Variants in BANK1 observed in about 807,000 individuals in gnomAD.
BANK1 encodes B-cell scaffold protein with ankyrin repeats.
BANK1 carries 95 observed loss-of-function variants against 94.5 expected under a neutral mutation model. The ratio of observed to expected loss-of-function variants is 1.00; its 90% CI spans 0.85 to 1.19. BANK1 has a LOEUF of 1.19. BANK1 is among the 50% of genes most tolerant of loss of function. The pLI is 0.00. For missense variants in BANK1, 987 were observed against 932.2 expected (o/e 1.06, Z -0.77); for synonymous variants, 334 against 308.4 (o/e 1.08, Z -0.87).
At chr4:101,956,646 C>T (rs1192159174) in intron 7 of BANK1, among the ~76,000 whole-genome samples, 2 of 152,128 alleles carry the variant, frequency 1.3e-5, no homozygotes, top group Non-Finnish European at 2.9e-5. Context: ...CTCTGCTTAT[C>T]TGGAGAGGAA....
At chr4:101,941,524 T>C (rs1723740446) in intron 7 of BANK1, among the ~76,000 whole-genome samples, 1 of 151,834 alleles carries the variant, frequency 6.6e-6, no homozygotes, top group Admixed American at 6.6e-5. Context: ...TTTCTTCTTA[T>C]ATGAGTTATG....
At chr4:102,029,561 AATTAT>A (rs1475374428) in intron 9 of BANK1, among the ~76,000 whole-genome samples, 2 of 148,128 alleles carry the variant, frequency 1.4e-5, no homozygotes, top group Non-Finnish European at 3.0e-5. Context: ...TAATACATAT[AATTAT>A]ATTTTATACA....
At chr4:102,008,579 G>A (rs1440881584) in intron 7 of BANK1, among the ~76,000 whole-genome samples, 2 of 152,092 alleles carry the variant, frequency 1.3e-5, no homozygotes, top group Non-Finnish European at 2.9e-5. Context: ...AAAGGTAATT[G>A]GGTATATTGC....
chr4:102,029,918 T>C, intron 9 of BANK1, 42 bp from the exon 10 acceptor site: 1 of 1,534,740 alleles, frequency 6.5e-7, no homozygotes, highest in Non-Finnish European at 8.7e-7. Context: ...TAATGTTGCA[T>C]GTAACAGAAG....
intron 1 of BANK1, among the ~76,000 whole-genome samples, chr4:101,808,779 A>G (rs914584504): frequency 2.0e-5 from 3 of 152,236 alleles, no homozygotes; most frequent in African/African-American, 7.2e-5. Context: ...TATCAGGGAA[A>G]TGCAAATTAA....
At chr4:102,073,127 A>G (rs1728811353) in intron 15 of BANK1, among the ~76,000 whole-genome samples, 1 of 151,958 alleles carries the variant, frequency 6.6e-6, no homozygotes, top group Admixed American at 6.6e-5. Context: ...GTATATTTCA[A>G]ATAAGTCATA....
intron 7 of BANK1, among the ~76,000 whole-genome samples, chr4:102,014,167 TATC>T (rs1255161448): frequency 7.9e-5 from 12 of 152,148 alleles, no homozygotes; most frequent in African/African-American, 2.4e-4. Context: ...CAGTTATGAT[TATC>T]ATCATTATCA....
intron 7 of BANK1, among the ~76,000 whole-genome samples, chr4:101,984,991 A>G (rs1189837354): frequency 2.0e-5 from 3 of 152,124 alleles, no homozygotes; most frequent in Non-Finnish European, 4.4e-5. Context: ...TCTCCAGAGA[A>G]CAGAACCAAT....
chr4:101,940,667 G>A (rs1341964145), intron 7 of BANK1, among the ~76,000 whole-genome samples: 1 of 151,720 alleles, frequency 6.6e-6, no homozygotes, highest in Non-Finnish European at 1.5e-5. Context: ...TCCCCCAAGA[G>A]GGACTTGTCT....
chr4:101,894,701 A>G (rs1414475981), intron 5 of BANK1, among the ~76,000 whole-genome samples: 1 of 151,974 alleles, frequency 6.6e-6, no homozygotes, highest in African/African-American at 2.4e-5. Context: ...GGTTTTTGTA[A>G]CAGGTTATAT....
At chr4:102,042,656 T>C (rs1358919758) in intron 10 of BANK1, among the ~76,000 whole-genome samples, 2 of 152,036 alleles carry the variant, frequency 1.3e-5, no homozygotes, top group African/African-American at 2.4e-5. Context: ...CTAGGATAAC[T>C]GTCGGGATGT....
At chr4:101,920,217 G>T (rs1041833426) in intron 7 of BANK1, among the ~76,000 whole-genome samples, 1 of 151,892 alleles carries the variant, frequency 6.6e-6, no homozygotes, top group Non-Finnish European at 1.5e-5. Flanking sequence ...ACCAGGGCCT[G>T]TCATGGGGTT....
At chr4:101,791,222 G>A (rs1173467439) in intron 1 of BANK1, among the ~76,000 whole-genome samples, 1 of 140,120 alleles carries the variant, frequency 7.1e-6, no homozygotes, top group African/African-American at 2.5e-5. Flanking sequence ...CTGAGGAGCT[G>A]GAACTTTCCC....
At chr4:101,864,877 T>C (rs752544479) in intron 4 of BANK1, among the ~76,000 whole-genome samples, 2 of 152,192 alleles carry the variant, frequency 1.3e-5, no homozygotes, top group African/African-American at 4.8e-5. Context: ...TGTCACATTC[T>C]TTCCTCCCAG....
chr4:101,881,789 G>T (rs568823193), intron 5 of BANK1, among the ~76,000 whole-genome samples: 1 of 151,990 alleles, frequency 6.6e-6, no homozygotes, highest in Admixed American at 6.6e-5. Context: ...ACTGGAGGAC[G>T]GTATGCTTAG....
chr4:101,825,280 G>T (rs768950452), intron 1 of BANK1, among the ~76,000 whole-genome samples: 2 of 152,012 alleles, frequency 1.3e-5, no homozygotes, highest in African/African-American at 4.8e-5. Flanking sequence ...CTCCTTAAAT[G>T]GGGAGAATTA....
intron 3 of BANK1, among the ~76,000 whole-genome samples, chr4:101,861,669 G>T (rs1727881363): frequency 6.6e-6 from 1 of 151,930 alleles, no homozygotes; most frequent in African/African-American, 2.4e-5. Context: ...TTTGGTATGT[G>T]TATGTGTGTG....
intron 2 of BANK1, among the ~76,000 whole-genome samples, chr4:101,850,351 A>G (rs1367043245): frequency 6.6e-6 from 1 of 151,956 alleles, no homozygotes. Context: ...GGCTCACTGC[A>G]ACCTCTGCTT....
chr4:101,993,224 A>G (rs569471463), intron 7 of BANK1, among the ~76,000 whole-genome samples: 2 of 152,288 alleles, frequency 1.3e-5, no homozygotes, highest in East Asian at 3.9e-4. Flanking sequence ...TTTGAAAGAA[A>G]TGGGAAGTAA....
Sources: gnomAD v4.1 joint callset for allele counts (sites outside exome capture counted in the v4.1 genomes callset) on GRCh38, gnomAD v4.1.1 for gene constraint, MANE v1.5 for transcripts, NCBI Gene and HGNC (gene_info 2026-07-23, HGNC 2026-07-21) for gene names.